PREP: variants seen among roughly 807,000 people sequenced by gnomAD.
The protein encoded by PREP is dJ355L5.1 (prolyl endopeptidase).
Under a neutral mutation model 87.6 loss-of-function variants are expected in PREP, and 29 were observed. The observed-to-expected ratio is 0.33, with a 90% CI of 0.25 to 0.45. The LOEUF (loss-of-function observed/expected upper bound fraction) is 0.45, where lower values mean the gene tolerates loss of function less well. PREP is among the 20% of genes least tolerant of loss of function. The pLI is 1.00. For synonymous variants in PREP, 337 were observed against 328.6 expected, an observed-to-expected ratio of 1.03 and a Z score of -0.28; for missense variants, 695 against 886.5, an observed-to-expected ratio of 0.78 and a Z score of 2.74.
intron 6 of PREP, among the ~76,000 whole-genome samples, chr6:105,364,510 C>T (rs561903230): frequency 2.4e-4 from 37 of 152,174 alleles, no homozygotes; most frequent in Non-Finnish European, 4.7e-4. Flanking sequence ...AGGTTGACGA[C>T]AGCAAGCCAG....
At position 105,387,923 on chromosome 6, in the gene PREP, G is replaced by A. The variant is rs559163004; in HGVS notation, c.120+9930C>T. On this transcript the variant is annotated intron_variant, in intron 2 of 14. Coordinates refer to ENST00000652536, the MANE Select transcript of PREP (RefSeq NM_002726.5). ...AGGCATCTGTCTTACTTATGACACC[G>A]CATCCCCCTTATTTAACCCAATACT... Among the ~76,000 whole-genome samples the A allele has an allele frequency of 3.9e-5, 6 of 152,234 alleles. No homozygotes were observed. The East Asian group carries it at 9.7e-4, about 25-fold the overall frequency.
At chr6:105,302,893 T>C in intron 10 of PREP, 1 of 255,904 alleles carries the variant, frequency 3.9e-6, no homozygotes, top group Non-Finnish European at 7.8e-6. Flanking sequence ...CAAATACCTA[T>C]ACCAGCTTAC....
Position 105,323,764 on chromosome 6 carries a change from G to A in PREP, c.1218C>T (p.Ile406=). Reference sequence around the variant, plus strand: ...CTTTGGTAAGATCACAGTGATAAATGATACCTAAAAAGTAGAATAAGGCTT... The same window carrying A: ...CTTTGGTAAGATCACAGTGATAAATAATACCTAAAAAGTAGAATAAGGCTT... ...YQFTSFLSPG[I]IYHCDLTKEE... Residue 406 remains isoleucine (I), a synonymous_variant, in exon 10 of 15, where the codon ATC becomes ATT. Coordinates refer to ENST00000652536, the MANE Select transcript of PREP (RefSeq NM_002726.5). 6.2e-7 allele frequency: 1 copy of A among 1,610,584 alleles called. No individual in the cohort carries two copies. Among genetic ancestry groups the A allele is most frequent in the African/African-American group, 1.3e-5 (1 of 74,958 alleles).
chr6:105,292,938 C>G (rs1458509227), intron 10 of PREP, among the ~76,000 whole-genome samples: 1 of 152,182 alleles, frequency 6.6e-6, no homozygotes, highest in Non-Finnish European at 1.5e-5. Flanking sequence ...CTCTCTTAGT[C>G]TTCACAGAAC....
rs532370467 is a variant in PREP at position 105,396,738 on chromosome 6, C to T, written c.120+1115G>A. 4.0e-5 allele frequency among the ~76,000 whole-genome samples: 6 copies of T among 151,506 alleles called. No homozygotes were observed. In the East Asian group the frequency reaches 7.8e-4, roughly 20 times the overall value. On this transcript the variant is annotated intron_variant, in intron 2 of 14. Transcript: ENST00000652536. ...CGTACCCTGCAACTCTAAAGAAGCT[C>T]GAATAAATTTTGGGATGCTGAACAT...
chr6:105,316,090 G>A (rs1770858884), intron 10 of PREP, among the ~76,000 whole-genome samples: 1 of 152,194 alleles, frequency 6.6e-6, no homozygotes, highest in Non-Finnish European at 1.5e-5. Context: ...GCATTCACAA[G>A]TTGGCTGTTT....
At chr6:105,352,912 A>G in intron 7 of PREP, 60 bp downstream of exon 7, 1 of 1,422,728 alleles carries the variant, frequency 7.0e-7, no homozygotes, top group Non-Finnish European at 9.9e-7. Flanking sequence ...ATAGACCACA[A>G]TAATACTTTT....
intron 10 of PREP, among the ~76,000 whole-genome samples, chr6:105,301,077 G>A (rs1397486071): frequency 2.0e-5 from 3 of 152,244 alleles, no homozygotes; most frequent in Non-Finnish European, 2.9e-5. Flanking sequence ...TTCAGATACT[G>A]AGCTATCTGA....
intron 10 of PREP, among the ~76,000 whole-genome samples, chr6:105,309,681 G>C (rs1406276243): frequency 6.6e-6 from 1 of 152,162 alleles, no homozygotes; most frequent in Non-Finnish European, 1.5e-5. Flanking sequence ...AGAGCAAGGA[G>C]CTGGTGCTTG....
chr6:105,327,603 C>T (rs139679627), intron 9 of PREP, among the ~76,000 whole-genome samples: 139 of 152,288 alleles, frequency 9.1e-4, no homozygotes, highest in African/African-American at 3.2e-3. Flanking sequence ...AGTGATGAGA[C>T]ATCACTGTCA....
At chr6:105,366,206 G>A (rs1057426268) in intron 6 of PREP, among the ~76,000 whole-genome samples, 1 of 152,206 alleles carries the variant, frequency 6.6e-6, no homozygotes, top group Middle Eastern at 3.4e-3. Flanking sequence ...GGAGTCAGCC[G>A]AGACTGAGCC....
At chr6:105,333,627 G>A (rs1771399568) in intron 7 of PREP, 122 bp from the exon 8 acceptor site, 1 of 1,018,202 alleles carries the variant, frequency 9.8e-7, no homozygotes, top group South Asian at 1.6e-5. Flanking sequence ...ATATTTGGAA[G>A]ATCTAGGGCA....
intron 7 of PREP, among the ~76,000 whole-genome samples, chr6:105,336,011 ACTTCGGGAGGCCGAGGCAGGT>A (rs1449049299): frequency 6.6e-6 from 1 of 152,262 alleles, no homozygotes; most frequent in Non-Finnish European, 1.5e-5. Context: ...TAATCCCAGA[ACTTCGGGAGGCCGAGGCAGGT>A]GGATCACTTG....
intron 1 of PREP, among the ~76,000 whole-genome samples, chr6:105,401,005 C>T (rs1329609886): frequency 3.9e-5 from 6 of 152,176 alleles, no homozygotes; most frequent in African/African-American, 1.2e-4. Context: ...TATCAAGGAG[C>T]CACACAACAA....
At chr6:105,401,429 G>A (rs1179475206) in intron 1 of PREP, among the ~76,000 whole-genome samples, 2 of 152,178 alleles carry the variant, frequency 1.3e-5, no homozygotes, top group Non-Finnish European at 2.9e-5. Context: ...TACTGCAGAA[G>A]CAAGTAAGCC....
At chr6:105,331,946 T>C (rs918220625) in intron 8 of PREP, among the ~76,000 whole-genome samples, 14 of 152,066 alleles carry the variant, frequency 9.2e-5, no homozygotes, top group Non-Finnish European at 1.0e-4. Flanking sequence ...GATCCAAACC[T>C]GCAAGTTAAC....
rs1306183629 is a variant in PREP, at chr6:105,274,182, A to G, written c.*3962T>C. Among the ~76,000 whole-genome samples, 1 of 152,028 alleles carries G rather than the reference A, an allele frequency of 6.6e-6. No homozygotes were observed. The highest frequency in any genetic ancestry group is 2.4e-5 in the African/African-American group (1 of 41,390). ...ACAGAAATTGCTCTCTCACAGTCCT[A>G]GAGTCTGGGACATCTAAGATCAAGG... is the stretch of plus-strand genomic sequence containing the variant. On this transcript the variant is annotated 3_prime_UTR_variant, in exon 15 of 15. Coordinates refer to ENST00000652536, the MANE Select transcript of PREP (RefSeq NM_002726.5).
At chr6:105,394,816 T>C (rs1271019357) in intron 2 of PREP, among the ~76,000 whole-genome samples, 2 of 152,058 alleles carry the variant, frequency 1.3e-5, no homozygotes, top group East Asian at 3.9e-4. Context: ...CCATCAATAA[T>C]GAAAAAGGAA....
intron 5 of PREP, among the ~76,000 whole-genome samples, chr6:105,370,234 T>C (rs904969334): frequency 1.2e-5 from 1 of 85,856 alleles, no homozygotes; most frequent in African/African-American, 4.8e-5. Flanking sequence ...TGGATATTTA[T>C]AAAAATACAA....
Sources: allele counts gnomAD v4.1 joint callset (sites outside exome capture counted in the v4.1 genomes callset), GRCh38; gene constraint gnomAD v4.1.1; transcripts MANE v1.5; gene names NCBI Gene and HGNC (gene_info 2026-07-23, HGNC 2026-07-21).